Variants in SRF observed in about 807,000 individuals in gnomAD.
SRF encodes c-fos serum response element-binding transcription factor.
SRF carries 7 observed loss-of-function variants against 37.1 expected under a neutral mutation model. That is an observed-to-expected ratio of 0.19 (90% CI 0.11 to 0.35). The LOEUF is 0.35. SRF is among the 10% of genes least tolerant of loss of function. The probability of loss-of-function intolerance (pLI) is 1.00; values close to 1 mark genes in which losing one functional copy is unlikely to be tolerated. For missense variants in SRF, 395 were observed against 694.4 expected (o/e 0.57, Z 4.85); for synonymous variants, 285 against 310.1 (o/e 0.92, Z 0.85).
In SRF at chr6:43,179,422, C is replaced by G. The variant is rs1020316462; in HGVS notation, c.*232C>G. On this transcript the variant is annotated 3_prime_UTR_variant, in exon 7 of 7. Transcript: ENST00000265354. The surrounding 1 kb of genome is among the most constrained non-coding windows in gnomAD (Gnocchi z 5.3). ...CCCGCCCCACCTCCCATTTCTGTTGCTGGAGGGGCTGTCCTCCTTCCTGGG... is the reference window on the plus strand; with the variant it reads ...CCCGCCCCACCTCCCATTTCTGTTGGTGGAGGGGCTGTCCTCCTTCCTGGG... 3.5e-6 allele frequency: 2 copies of G among 570,298 alleles called. No individual in the cohort carries two copies. Among genetic ancestry groups the G allele is most frequent in the Admixed American group, 6.1e-5 (2 of 32,940 alleles). 35.3% of individuals were successfully genotyped at this position (570,298 alleles called of 1,614,324 possible). A position where few individuals can be genotyped will look rare whatever the true frequency, so the allele number is the denominator to read the frequency against.
rs376273062 is a variant in SRF, at chr6:43,179,166, C to T, written c.1503C>T (p.Thr501=). 18 of 1,614,112 alleles carry T rather than the reference C, an allele frequency of 1.1e-5. No individual in the cohort carries two copies. Among genetic ancestry groups the T allele is most frequent in the Admixed American group, 5.0e-5 (3 of 60,014 alleles). ...LTELQVVNLD[T]AHSTKSE is the part of the protein sequence containing the mutation. Reference sequence around the variant, plus strand: ...AGCTACAGGTGGTGAACCTGGACACCGCCCACAGCACCAAGAGTGAATGAT... The same window carrying T: ...AGCTACAGGTGGTGAACCTGGACACTGCCCACAGCACCAAGAGTGAATGAT... Residue 501 remains threonine, a synonymous_variant, in exon 7 of 7, where the codon ACC becomes ACT. Coordinates refer to ENST00000265354, the MANE Select transcript of SRF (RefSeq NM_003131.4). This position sits in a 1 kb window ranked among gnomAD's most constrained non-coding sequence, Gnocchi z 5.3.
rs778816086 is a variant in SRF, at chr6:43,175,897, G to A, written c.972G>A (p.Lys324=). ...AVSSANGTVL[K]STGSGPVSSG... ...GCAGTGCCAATGGGACTGTGCTGAA[G>A]AGTACAGGCAGCGGCCCTGTCTCCT... Residue 324 remains lysine (K), a synonymous_variant, in exon 3 of 7, where the codon AAG becomes AAA. Transcript: ENST00000265354. The A allele has an allele frequency of 6.2e-7, 1 of 1,614,180 alleles. No homozygotes were observed. The highest frequency in any genetic ancestry group is 8.5e-7 in the Non-Finnish European group (1 of 1,180,022).
At position 43,181,470 on chromosome 6, in the gene SRF, A is replaced by T. The variant is rs1178851167; in HGVS notation, c.*2280A>T. 2 of 152,634 alleles carry T rather than the reference A, an allele frequency of 1.3e-5. No individual in the cohort carries two copies. Among genetic ancestry groups the T allele is most frequent in the South Asian group, 2.1e-4 (1 of 4,814 alleles). The allele number at this position is 152,634 out of a possible 1,614,324, so 9.5% of individuals were successfully genotyped here. A position where few individuals can be genotyped will look rare whatever the true frequency, so the allele number is the denominator to read the frequency against. ...GAGCTTTCTTTTGTATTAAAAAAAA[A>T]TACTCTTTCAATAAATGTATCATTT... On this transcript the variant is annotated 3_prime_UTR_variant, in exon 7 of 7. Transcript: ENST00000265354.
Position 43,171,348 on chromosome 6 carries a change from C to T in SRF, c.-309C>T, listed in dbSNP as rs952646463. 5.3e-6 allele frequency: 1 copy of T among 189,004 alleles called. No homozygotes were observed. The highest frequency in any genetic ancestry group is 2.4e-5 in the African/African-American group (1 of 42,516). The allele number at this position is 189,004 out of a possible 1,614,324, so 11.7% of individuals were successfully genotyped here. On this transcript the variant is annotated 5_prime_UTR_variant, in exon 1 of 7. Transcript: ENST00000265354. This position sits in a 1 kb window ranked among gnomAD's most constrained non-coding sequence, Gnocchi z 6.5. Reference sequence around the variant, plus strand: ...GCGCGTGGTCCCGGCCCCCTCCACCCGCCGTCTCGGCCGCGGCCAGCAGCC... The same window carrying T: ...GCGCGTGGTCCCGGCCCCCTCCACCTGCCGTCTCGGCCGCGGCCAGCAGCC...
chr6:43,176,798 T>C lies in SRF; in HGVS notation c.1162+131T>C. The C allele has an allele frequency of 7.4e-7, 1 of 1,359,342 alleles. No individual in the cohort carries two copies. Among genetic ancestry groups the C allele is most frequent in the South Asian group, 1.4e-5 (1 of 69,320 alleles). The allele number at this position is 1,359,342 out of a possible 1,614,324, so 84.2% of individuals were successfully genotyped here. A position where few individuals can be genotyped will look rare whatever the true frequency, so the allele number is the denominator to read the frequency against. On this transcript the variant is annotated intron_variant, in intron 4 of 6. Transcript: ENST00000265354. The surrounding 1 kb of genome is among the most constrained non-coding windows in gnomAD (Gnocchi z 4.0). ...AAAGTGGAGATTGAGGCTTTGGGCC[T>C]AATAATTATGGGGAAGTCAGGTGAG...
rs1454136287 is a variant in SRF, at chr6:43,171,946, G to T, written c.290G>T (p.Gly97Val). 5 of 1,497,194 alleles carry T rather than the reference G, an allele frequency of 3.3e-6. No individual in the cohort carries two copies. The highest frequency in any genetic ancestry group is 4.5e-6 in the Non-Finnish European group (5 of 1,123,064). The allele number at this position is 1,497,194 out of a possible 1,614,324, so 92.7% of individuals were successfully genotyped here. A position where few individuals can be genotyped will look rare whatever the true frequency, so the allele number is the denominator to read the frequency against. Residue 97 changes from glycine to valine, a missense_variant, in exon 1 of 7, where the codon GGC becomes GTC. Coordinates refer to ENST00000265354, the MANE Select transcript of SRF (RefSeq NM_003131.4). The surrounding 1 kb of genome is among the most constrained non-coding windows in gnomAD (Gnocchi z 6.5). ...EEEELGAERR[G>V]LKRSLSEMEI... Reference sequence around the variant, plus strand: ...GAGGAGCTGGGCGCCGAGCGGCGCGGCCTGAAGCGGAGCCTGAGCGAGATG... The same window carrying T: ...GAGGAGCTGGGCGCCGAGCGGCGCGTCCTGAAGCGGAGCCTGAGCGAGATG...
Position 43,179,372 on chromosome 6 carries a change from C to T in SRF, c.*182C>T, listed in dbSNP as rs141213290. The stretch of plus-strand genomic sequence containing the variant: ...AGAAATGGGCCTGCCTGCCTCCACC[C>T]GTCCTCCCTCAGCCTCCCCTTCTTC... On this transcript the variant is annotated 3_prime_UTR_variant, in exon 7 of 7. Transcript: ENST00000265354. This position sits in a 1 kb window ranked among gnomAD's most constrained non-coding sequence, Gnocchi z 5.3. 2.0e-4 allele frequency: 127 copies of T among 630,600 alleles called. No homozygotes were observed. The East Asian group carries it at 2.8e-3, about 14-fold the overall frequency. The allele number at this position is 630,600 out of a possible 1,614,324, so 39.1% of individuals were successfully genotyped here.
intron 4 of SRF, among the ~76,000 whole-genome samples, chr6:43,177,950 A>G (rs530199128): frequency 6.6e-6 from 1 of 152,018 alleles, no homozygotes; most frequent in African/African-American, 2.4e-5. Flanking sequence ...AATGAGAACA[A>G]ATAAAAAATA....
intron 2 of SRF, among the ~76,000 whole-genome samples, chr6:43,174,681 G>A (rs1368996280): frequency 6.6e-6 from 1 of 152,236 alleles, no homozygotes; most frequent in Non-Finnish European, 1.5e-5. Context: ...TTCCTCCCTT[G>A]CTGTCTGGGG....
intron 2 of SRF, among the ~76,000 whole-genome samples, chr6:43,174,851 A>G (rs1263768771): frequency 2.0e-5 from 3 of 152,024 alleles, no homozygotes; most frequent in African/African-American, 7.2e-5. Context: ...TGGTTGACTC[A>G]TTTCGGGTCT....
chr6:43,175,644 A>G (rs955434085), intron 2 of SRF, 62 bp from the exon 3 acceptor site: 31 of 1,600,266 alleles, frequency 1.9e-5, no homozygotes, highest in Non-Finnish European at 2.6e-5. Flanking sequence ...CAGTCCACAC[A>G]AAGCTTCTGC....
Position 43,179,455 on chromosome 6 carries a change from C to T in SRF, c.*265C>T, listed in dbSNP as rs573065323. 2.9e-5 allele frequency: 15 copies of T among 525,430 alleles called. No homozygotes were observed. Among genetic ancestry groups the T allele is most frequent in the Middle Eastern group, 5.2e-4 (1 of 1,928 alleles). 32.5% of individuals were successfully genotyped at this position (525,430 alleles called of 1,614,324 possible). A position where few individuals can be genotyped will look rare whatever the true frequency, so the allele number is the denominator to read the frequency against. ...GCTGTCCTCCTTCCTGGGACCCCCT[C>T]GCCAGCTTGGCTCGATGTTTGCCAT... is the stretch of plus-strand genomic sequence containing the variant. On this transcript the variant is annotated 3_prime_UTR_variant, in exon 7 of 7. Transcript: ENST00000265354. The surrounding 1 kb of genome is among the most constrained non-coding windows in gnomAD (Gnocchi z 5.3).
chr6:43,176,719 T>G lies in SRF; in HGVS notation c.1162+52T>G. 6.3e-7 allele frequency: 1 copy of G among 1,591,998 alleles called. No homozygotes were observed. The highest frequency in any genetic ancestry group is 8.6e-7 in the Non-Finnish European group (1 of 1,165,328). ...CCTCCCTGCCTTCCCCCACGAGGCC[T>G]AGCAGTAGGTGCCCAACAGTAACCC... On this transcript the variant is annotated intron_variant, in intron 4 of 6. Coordinates refer to ENST00000265354, the MANE Select transcript of SRF (RefSeq NM_003131.4). This position sits in a 1 kb window ranked among gnomAD's most constrained non-coding sequence, Gnocchi z 4.0.
In SRF at chr6:43,172,301, T is replaced by C. The variant is rs1772124086; in HGVS notation, c.513+132T>C. The C allele has an allele frequency of 1.6e-6, 2 of 1,262,366 alleles. No individual in the cohort carries two copies. The highest frequency in any genetic ancestry group is 2.0e-6 in the Non-Finnish European group (2 of 987,054). The allele number at this position is 1,262,366 out of a possible 1,614,324, so 78.2% of individuals were successfully genotyped here. On this transcript the variant is annotated intron_variant, in intron 1 of 6. Transcript: ENST00000265354. This position sits in a 1 kb window ranked among gnomAD's most constrained non-coding sequence, Gnocchi z 5.7. ...TCCGCAGGAGGTGTGTGGGAGGGGA[T>C]GGCTCCTGCCCGGGGAGGGCCGAAG...
chr6:43,175,793 C>A lies in SRF; in HGVS notation c.868C>A (p.Gln290Lys). The A allele has an allele frequency of 1.2e-6, 2 of 1,614,248 alleles. No homozygotes were observed. The highest frequency in any genetic ancestry group is 1.1e-5 in the South Asian group (1 of 91,086). ...QTAPSTSTTM[Q>K]VSSGPSFPIT... ...AGCACCTAGCACCTCTACCACCATG[C>A]AAGTCAGCAGCGGCCCCTCCTTTCC... Residue 290 changes from glutamine to lysine, a missense_variant, in exon 3 of 7, where the codon CAA (glutamine) becomes AAA (lysine). By Grantham distance (53) the Gln-to-Lys change is moderately conservative. Transcript: ENST00000265354.
intron 4 of SRF, among the ~76,000 whole-genome samples, chr6:43,177,239 T>C (rs913761880): frequency 6.8e-6 from 1 of 146,276 alleles, no homozygotes; most frequent in Non-Finnish European, 1.5e-5. Context: ...TTTTTTTTTT[T>C]TTTTTTGAGA....
rs937554760 is a variant in SRF, at chr6:43,171,876, G to A, written c.220G>A (p.Ala74Thr). The A allele has an allele frequency of 9.5e-6, 13 of 1,361,746 alleles. No individual in the cohort carries two copies. Among genetic ancestry groups the A allele is most frequent in the South Asian group, 1.8e-5 (1 of 57,002 alleles). The allele number at this position is 1,361,746 out of a possible 1,614,324, so 84.4% of individuals were successfully genotyped here. A position where few individuals can be genotyped will look rare whatever the true frequency, so the allele number is the denominator to read the frequency against. The change falls in exon 1 of 7, where the codon GCC (alanine) becomes ACC (threonine). Residue 74 changes from alanine (A) to threonine (T), a missense_variant. Around this residue, in one of 4 missense-constraint regions of SRF, gnomAD observed 134 missense variants for 204.5 expected, o/e 0.66. Transcript: ENST00000265354. The surrounding 1 kb of genome is among the most constrained non-coding windows in gnomAD (Gnocchi z 6.5). ...AACCACCCCGGCGCCCACCGCGGGGGCCCTCTACAGCGGCAGCGAGGGCGA... is the reference window on the plus strand; with the variant it reads ...AACCACCCCGGCGCCCACCGCGGGGACCCTCTACAGCGGCAGCGAGGGCGA... ...AATTPAPTAG[A>T]LYSGSEGDSE...
Position 43,172,846 on chromosome 6 carries a change from C to G in SRF, c.513+677C>G, listed in dbSNP as rs1331223906. On this transcript the variant is annotated intron_variant, in intron 1 of 6. Transcript: ENST00000265354. This position sits in a 1 kb window ranked among gnomAD's most constrained non-coding sequence, Gnocchi z 5.7. Reference sequence around the variant, plus strand: ...CTGCCGTTAGGACAAGTGGGGTTTCCAGCCCTAGGGAGAATCTATGCTTGG... The same window carrying G: ...CTGCCGTTAGGACAAGTGGGGTTTCGAGCCCTAGGGAGAATCTATGCTTGG... Among the ~76,000 whole-genome samples the G allele has an allele frequency of 1.3e-5, 2 of 152,122 alleles. No individual in the cohort carries two copies. The highest frequency in any genetic ancestry group is 2.9e-5 in the Non-Finnish European group (2 of 68,000).
chr6:43,176,088 G>A lies in SRF; in HGVS notation c.1042+121G>A. On this transcript the variant is annotated intron_variant, in intron 3 of 6. Coordinates refer to ENST00000265354, the MANE Select transcript of SRF (RefSeq NM_003131.4). The surrounding 1 kb of genome is among the most constrained non-coding windows in gnomAD (Gnocchi z 4.0). ...CCTGCTCAGAAGGAAGGTGAATAGG[G>A]GCCAGAGCCTGAGCGAAGCCTCTTA... 2.9e-6 allele frequency: 4 copies of A among 1,382,890 alleles called. No individual in the cohort carries two copies. The highest frequency in any genetic ancestry group is 3.9e-6 in the Non-Finnish European group (4 of 1,031,198). The allele number at this position is 1,382,890 out of a possible 1,614,324, so 85.7% of individuals were successfully genotyped here.
Sources: gnomAD v4.1 joint callset for allele counts (sites outside exome capture counted in the v4.1 genomes callset) on GRCh38, gnomAD v4.1.1 for gene constraint, gnomAD v4.1.1 regional missense constraint, Gnocchi (gnomAD v3.1) non-coding constraint, MANE v1.5 for transcripts, NCBI Gene and HGNC (gene_info 2026-07-23, HGNC 2026-07-21) for gene names.